Variants in NIBAN1 observed in about 807,000 individuals in gnomAD.
NIBAN1 encodes the protein niban apoptosis regulator 1, also known as protein Niban 1.
Under a neutral mutation model 75.1 loss-of-function variants are expected in NIBAN1, and 81 were observed. The ratio of observed to expected loss-of-function variants is 1.08; its 90% CI spans 0.90 to 1.30. The LOEUF (loss-of-function observed/expected upper bound fraction) is 1.30, where lower values mean the gene tolerates loss of function less well. NIBAN1 is among the 50% of genes most tolerant of loss of function. NIBAN1 has a pLI of 0.00. For synonymous variants in NIBAN1, 436 were observed against 424.8 expected (o/e 1.03, Z -0.32); for missense variants, 1,133 against 1,128.1 (o/e 1.00, Z -0.06).
intron 1 of NIBAN1, among the ~76,000 whole-genome samples, chr1:184,925,810 T>C (rs912226280): frequency 6.6e-6 from 1 of 152,204 alleles, no homozygotes; most frequent in African/African-American, 2.4e-5. Context: ...AACTTGTAGT[T>C]ATTATTTTTG....
At chr1:184,845,504 T>C (rs1655412401) in intron 5 of NIBAN1, among the ~76,000 whole-genome samples, 1 of 152,226 alleles carries the variant, frequency 6.6e-6, no homozygotes. Context: ...TTCATGCCTG[T>C]AATTTTAATA....
intron 1 of NIBAN1, among the ~76,000 whole-genome samples, chr1:184,916,267 G>C (rs992365704): frequency 1.3e-5 from 2 of 152,042 alleles, no homozygotes; most frequent in African/African-American, 4.8e-5. Flanking sequence ...TATCGATGTA[G>C]GGGAACGAAA....
At chr1:184,893,386 A>G (rs1284991288) in intron 3 of NIBAN1, among the ~76,000 whole-genome samples, 1 of 152,144 alleles carries the variant, frequency 6.6e-6, no homozygotes, top group Non-Finnish European at 1.5e-5. Context: ...CTTCCTACAT[A>G]AGGAAAGAAA....
At chr1:184,927,670 TG>T (rs1308764423) in intron 1 of NIBAN1, among the ~76,000 whole-genome samples, 1 of 152,072 alleles carries the variant, frequency 6.6e-6, no homozygotes, top group East Asian at 1.9e-4. Flanking sequence ...GACCTATGTT[TG>T]CTCAAGGCCT....
intron 5 of NIBAN1, among the ~76,000 whole-genome samples, chr1:184,844,953 T>C (rs758358521): frequency 3.9e-5 from 6 of 152,156 alleles, no homozygotes; most frequent in Non-Finnish European, 8.8e-5. Context: ...GACCAGATAA[T>C]TGTTTTAAAA....
intron 5 of NIBAN1, among the ~76,000 whole-genome samples, chr1:184,861,900 A>G (rs1393155061): frequency 6.6e-6 from 1 of 152,184 alleles, no homozygotes; most frequent in African/African-American, 2.4e-5. Flanking sequence ...AGTGTGCTCC[A>G]GAAAGCCATC....
At chr1:184,834,050 A>T (rs1412436668) in intron 5 of NIBAN1, among the ~76,000 whole-genome samples, 3 of 78,402 alleles carry the variant, frequency 3.8e-5, no homozygotes, top group African/African-American at 1.6e-4. Context: ...GATGTTCCCC[A>T]CCCTGTGTGC....
At chr1:184,965,697 A>T (rs1458776491) in intron 1 of NIBAN1, among the ~76,000 whole-genome samples, 1 of 152,206 alleles carries the variant, frequency 6.6e-6, no homozygotes, top group Non-Finnish European at 1.5e-5. Flanking sequence ...ACTAATGGAT[A>T]CTAGGCTTAA....
intron 9 of NIBAN1, among the ~76,000 whole-genome samples, chr1:184,810,951 C>T (rs1654359795): frequency 6.6e-6 from 1 of 152,198 alleles, no homozygotes; most frequent in South Asian, 2.1e-4. Context: ...CCACCTGTGT[C>T]CATTGATCTC....
chr1:184,884,521 G>A (rs1656460325), intron 5 of NIBAN1, 112 bp downstream of exon 5: 4 of 1,413,528 alleles, frequency 2.8e-6, no homozygotes, highest in Non-Finnish European at 3.8e-6. Flanking sequence ...CACCGCACTT[G>A]GCTCATCTGT....
At chr1:184,827,495 C>T (rs1654872503) in intron 6 of NIBAN1, among the ~76,000 whole-genome samples, 1 of 150,446 alleles carries the variant, frequency 6.6e-6, no homozygotes, top group South Asian at 2.1e-4. Context: ...GAAGGAATTC[C>T]CTAGCCTCTT....
chr1:184,905,596 C>T (rs1054665455), intron 1 of NIBAN1, among the ~76,000 whole-genome samples: 10 of 152,124 alleles, frequency 6.6e-5, no homozygotes, highest in African/African-American at 2.2e-4. Context: ...TCCTTTCTCC[C>T]CCTAAGTCCC....
In NIBAN1 at chr1:184,825,113, A is replaced by G. The variant is rs1376456253; in HGVS notation, c.718-1371T>C. Among the ~76,000 whole-genome samples, 4 of 152,216 alleles carry G rather than the reference A, an allele frequency of 2.6e-5. No individual in the cohort carries two copies. In the East Asian group the frequency reaches 7.7e-4, roughly 29 times the overall value. ...TATTGAGAGGGCAGCTCTCAAAACA[A>G]CAGCAGTTCCTTTTTTAGATTGTGG... On this transcript the variant is annotated intron_variant, in intron 6 of 13. Coordinates refer to ENST00000367511, the MANE Select transcript of NIBAN1 (RefSeq NM_052966.4).
At chr1:184,927,779 G>T (rs1657718939) in intron 1 of NIBAN1, among the ~76,000 whole-genome samples, 1 of 152,074 alleles carries the variant, frequency 6.6e-6, no homozygotes, top group Non-Finnish European at 1.5e-5. Context: ...GTCTAGAGAT[G>T]CCATCCTGGA....
intron 1 of NIBAN1, among the ~76,000 whole-genome samples, chr1:184,930,648 CTAACTGGTACACG>C (rs1657794285): frequency 6.6e-6 from 1 of 152,118 alleles, no homozygotes; most frequent in South Asian, 2.1e-4. Flanking sequence ...AAATAAACTC[CTAACTGGTACACG>C]TAGTGGGTAG....
intron 1 of NIBAN1, among the ~76,000 whole-genome samples, chr1:184,953,479 T>G (rs968375730): frequency 6.6e-6 from 1 of 152,264 alleles, no homozygotes; most frequent in Non-Finnish European, 1.5e-5. Flanking sequence ...GTGAAACTTA[T>G]GCTCATTTGC....
intron 3 of NIBAN1, among the ~76,000 whole-genome samples, chr1:184,891,712 G>A (rs1388278170): frequency 1.3e-5 from 2 of 152,154 alleles, no homozygotes; most frequent in Admixed American, 1.3e-4. Flanking sequence ...TATCAAGTGA[G>A]AATGTTTTAC....
At position 184,823,649 on chromosome 1, in the gene NIBAN1, T is replaced by C. The variant is rs760535296; in HGVS notation, c.811A>G (p.Thr271Ala). 6 of 1,614,178 alleles carry C rather than the reference T, an allele frequency of 3.7e-6. No homozygotes were observed. The highest frequency in any genetic ancestry group is 1.7e-5 in the Admixed American group (1 of 60,028). ...AAACCATTGCTTACACCAAGCCACG[T>C]CCTCTTTCTGTCATTCTTCTTCCCC... Reference protein sequence around the residue: ...MKGKKNDRKRTWLGLLEEAYT... With the variant: ...MKGKKNDRKRAWLGLLEEAYT... Residue 271 changes from threonine (T) to alanine (A), a missense_variant, in exon 7 of 14, where the codon ACG becomes GCG. Transcript: ENST00000367511.
Position 184,800,758 on chromosome 1 carries a change from G to T in NIBAN1, c.1555-2568C>A, listed in dbSNP as rs147935278. 8.0e-3 allele frequency among the ~76,000 whole-genome samples: 1,215 copies of T among 152,206 alleles called. 14 individuals are homozygous for T. The highest frequency in any genetic ancestry group is 0.028 in the African/African-American group (1,152 of 41,538). On this transcript the variant is annotated intron_variant, in intron 12 of 13. Transcript: ENST00000367511. ...AACATTCTTGTACATATGTTTTTGT[G>T]GATTTAAGGGCTTGTTTATGTTGGG... is the stretch of plus-strand genomic sequence containing the variant.
Sources: allele counts gnomAD v4.1 joint callset (sites outside exome capture counted in the v4.1 genomes callset), GRCh38; gene constraint gnomAD v4.1.1; transcripts MANE v1.5; gene names NCBI Gene and HGNC (gene_info 2026-07-23, HGNC 2026-07-21).